UBAC2: variants seen among roughly 807,000 people sequenced by gnomAD.
UBAC2 encodes the protein ubiquitin-associated domain-containing protein 2.
In UBAC2, 26 loss-of-function variants were observed where a neutral mutation model predicts 44.0. The observed-to-expected ratio is 0.59, with a 90% CI of 0.43 to 0.82. The LOEUF is 0.82. Ranked by LOEUF, UBAC2 falls within the 40% of genes least tolerant of loss-of-function variation. The pLI, the probability that UBAC2 is intolerant of heterozygous loss-of-function variation, is 0.00. For missense variants in UBAC2, 329 were observed against 419.4 expected (o/e 0.78, Z 1.88); for synonymous variants, 155 against 154.3 (o/e 1.00, Z -0.04).
At chr13:99,379,532 T>A (rs1189039945) in intron 8 of UBAC2, among the ~76,000 whole-genome samples, 1 of 152,146 alleles carries the variant, frequency 6.6e-6, no homozygotes, top group Non-Finnish European at 1.5e-5. Flanking sequence ...TGATAGATCC[T>A]TGCTTGTTTC....
At chr13:99,220,762 G>T (rs979398320) in intron 1 of UBAC2, among the ~76,000 whole-genome samples, 4 of 152,052 alleles carry the variant, frequency 2.6e-5, no homozygotes, top group African/African-American at 9.7e-5. Context: ...CTCACAGAGA[G>T]GCCGAAGATT....
chr13:99,218,419 A>G (rs1446740641), intron 1 of UBAC2, among the ~76,000 whole-genome samples: 1 of 151,384 alleles, frequency 6.6e-6, no homozygotes. Flanking sequence ...CTCCCCTCTA[A>G]TTCACACTGT....
In UBAC2 at chr13:99,295,044, C is replaced by G; in HGVS notation, c.390-19053C>G. ...TCATACAGTTTACGTCACTATAAAC[C>G]AAAATACAATCCATTTCACTTTCCA... On this transcript the variant is annotated intron_variant, in intron 4 of 8. Transcript: ENST00000403766. This position sits in a 1 kb window ranked among gnomAD's most constrained non-coding sequence, Gnocchi z 4.1. The G allele has an allele frequency of 6.2e-7, 1 of 1,606,658 alleles. No homozygotes were observed. Among genetic ancestry groups the G allele is most frequent in the African/African-American group, 1.3e-5 (1 of 74,700 alleles).
At chr13:99,230,675 C>T (rs910019071) in intron 1 of UBAC2, among the ~76,000 whole-genome samples, 3 of 152,068 alleles carry the variant, frequency 2.0e-5, no homozygotes, top group African/African-American at 4.8e-5. Context: ...ATTTTATCTT[C>T]GAAGCCAAGG....
chr13:99,354,806 G>C (rs1422355230), intron 7 of UBAC2, among the ~76,000 whole-genome samples: 1 of 152,134 alleles, frequency 6.6e-6, no homozygotes, highest in Non-Finnish European at 1.5e-5. Context: ...CATGCAGATT[G>C]GATTGGGGAA....
chr13:99,247,558 G>T (rs2043402789), intron 4 of UBAC2, among the ~76,000 whole-genome samples: 1 of 152,050 alleles, frequency 6.6e-6, no homozygotes, highest in Non-Finnish European at 1.5e-5. Flanking sequence ...GACACAGGGA[G>T]GGGAACGTCA....
At chr13:99,289,670 C>T (rs1468919649) in intron 4 of UBAC2, among the ~76,000 whole-genome samples, 1 of 151,662 alleles carries the variant, frequency 6.6e-6, no homozygotes, top group East Asian at 1.9e-4. Flanking sequence ...AACAGGTTAG[C>T]TTATGTTGCA....
chr13:99,237,176 T>C (rs1245502245), intron 1 of UBAC2, among the ~76,000 whole-genome samples: 1 of 152,016 alleles, frequency 6.6e-6, no homozygotes, highest in Non-Finnish European at 1.5e-5. Context: ...TATACTTCCA[T>C]CTTTATTGAC....
chr13:99,257,548 T>C (rs1317252507), intron 4 of UBAC2, among the ~76,000 whole-genome samples: 2 of 152,188 alleles, frequency 1.3e-5, no homozygotes, highest in Non-Finnish European at 2.9e-5. Context: ...TTGCTGACGT[T>C]TGAAAAAAAA....
At chr13:99,230,238 C>T (rs1326613308) in intron 1 of UBAC2, among the ~76,000 whole-genome samples, 1 of 151,984 alleles carries the variant, frequency 6.6e-6, no homozygotes, top group African/African-American at 2.4e-5. Flanking sequence ...CTGAGGTGGG[C>T]AGATTGCCTG....
rs1183153554 is a variant in UBAC2 at position 99,238,496 on chromosome 13, T to A, written c.101T>A (p.Leu34Gln). ...CTCTCCCTCCTGCTCGCCCTCCTCC[T>A]GCCTCACTGCCAGAAGCTCTTTGTG... is the stretch of plus-strand genomic sequence containing the variant. ...SALSLLLALL[L>Q]PHCQKLFVYD... The change falls in exon 2 of 9, where the codon CTG (leucine) becomes CAG (glutamine). Residue 34 changes from leucine (L) to glutamine (Q), a missense_variant. Coordinates refer to ENST00000403766, the MANE Select transcript of UBAC2 (RefSeq NM_001144072.2). 1 of 1,613,982 alleles carries A rather than the reference T, an allele frequency of 6.2e-7. No homozygotes were observed. The highest frequency in any genetic ancestry group is 1.7e-5 in the Admixed American group (1 of 60,020).
chr13:99,205,849 G>A (rs71437997), intron 1 of UBAC2: 7,775 of 161,516 alleles, frequency 0.048, 279 homozygotes, highest in Middle Eastern at 0.12. Flanking sequence ...GTGCTCGGTC[G>A]AAGAGGACGA....
At chr13:99,314,407 C>T (rs1439835421) in intron 5 of UBAC2, among the ~76,000 whole-genome samples, 187 bp downstream of exon 5, 1 of 151,878 alleles carries the variant, frequency 6.6e-6, no homozygotes, top group Non-Finnish European at 1.5e-5. Context: ...ATAGAAGATA[C>T]TAGAATACTT....
At chr13:99,363,285 T>C (rs9585040) in intron 7 of UBAC2, among the ~76,000 whole-genome samples, 33,878 of 152,166 alleles carry the variant, frequency 0.22, 4,038 homozygotes, top group South Asian at 0.36. Flanking sequence ...TCCTTTCTTA[T>C]ATTTCTTCAA....
chr13:99,375,779 T>C (rs917522884), intron 8 of UBAC2, among the ~76,000 whole-genome samples: 3 of 151,348 alleles, frequency 2.0e-5, no homozygotes, highest in Non-Finnish European at 4.4e-5. Flanking sequence ...TCATTTATTT[T>C]CTTTTCTCTT....
intron 4 of UBAC2, among the ~76,000 whole-genome samples, chr13:99,299,440 G>A (rs2044224244): frequency 6.6e-6 from 1 of 151,036 alleles, no homozygotes; most frequent in Non-Finnish European, 1.5e-5. Flanking sequence ...TGGGAGGTAG[G>A]GAAGCAAATA....
At chr13:99,334,350 A>C (rs1051641578) in intron 6 of UBAC2, among the ~76,000 whole-genome samples, 2 of 152,246 alleles carry the variant, frequency 1.3e-5, no homozygotes, top group African/African-American at 4.8e-5. Context: ...AACTGTAGTA[A>C]GTCTTAACCT....
chr13:99,286,741 C>T (rs929864382), intron 4 of UBAC2, among the ~76,000 whole-genome samples: 4 of 152,156 alleles, frequency 2.6e-5, no homozygotes, highest in African/African-American at 7.2e-5. Context: ...CCCACTTATA[C>T]GTACAAACAT....
intron 2 of UBAC2, 145 bp from the exon 3 acceptor site, chr13:99,243,687 A>G: frequency 1.5e-6 from 1 of 671,336 alleles, no homozygotes. Flanking sequence ...CAGAGAACAT[A>G]CATATATAGT....
Sources: allele counts gnomAD v4.1 joint callset (sites outside exome capture counted in the v4.1 genomes callset), GRCh38; gene constraint gnomAD v4.1.1; non-coding constraint Gnocchi (gnomAD v3.1); transcripts MANE v1.5; gene names NCBI Gene and HGNC (gene_info 2026-07-23, HGNC 2026-07-21).